Variants in PALLD observed in about 807,000 individuals in gnomAD.
The protein encoded by PALLD is palladin, cytoskeletal associated protein, also known as palladin.
A neutral mutation model predicts 123.5 loss-of-function variants in PALLD; 61 were observed. The ratio of observed to expected loss-of-function variants is 0.49; its 90% CI spans 0.40 to 0.61. The LOEUF (loss-of-function observed/expected upper bound fraction) is 0.61, where lower values mean the gene tolerates loss of function less well. PALLD is among the 20% of genes least tolerant of loss of function. The pLI is 0.00. For synonymous variants in PALLD, 465 were observed against 496.4 expected (o/e 0.94, Z 0.84); for missense variants, 1,273 against 1,377.0 (o/e 0.92, Z 1.20).
chr4:168,510,855 T>C (rs1762466880), intron 1 of PALLD, among the ~76,000 whole-genome samples: 1 of 152,174 alleles, frequency 6.6e-6, no homozygotes, highest in Non-Finnish European at 1.5e-5. Flanking sequence ...CCAGAAAAGT[T>C]TGCCCATCCC....
intron 2 of PALLD, among the ~76,000 whole-genome samples, chr4:168,577,337 G>A (rs1176467599): frequency 2.0e-5 from 3 of 152,098 alleles, no homozygotes; most frequent in Non-Finnish European, 4.4e-5. Flanking sequence ...ACTAAGTTAG[G>A]TTATGGTTTG....
intron 2 of PALLD, among the ~76,000 whole-genome samples, chr4:168,553,755 A>G (rs1766986878): frequency 6.6e-6 from 1 of 152,014 alleles, no homozygotes. Flanking sequence ...TGTCTAACTT[A>G]GATTCTGATA....
intron 10 of PALLD, among the ~76,000 whole-genome samples, chr4:168,721,450 G>A (rs1786007201): frequency 6.6e-6 from 1 of 150,832 alleles, no homozygotes; most frequent in Non-Finnish European, 1.5e-5. Flanking sequence ...TCAATTTTAT[G>A]AAAAAATAAA....
intron 15 of PALLD, among the ~76,000 whole-genome samples, chr4:168,906,093 C>A (rs1368257111): frequency 1.3e-5 from 2 of 152,116 alleles, no homozygotes; most frequent in Non-Finnish European, 2.9e-5. Context: ...TGGTGGAGAA[C>A]TGACAAAATC....
At chr4:168,731,613 GC>G (rs1180179214) in intron 10 of PALLD, among the ~76,000 whole-genome samples, 2 of 152,130 alleles carry the variant, frequency 1.3e-5, no homozygotes, top group African/African-American at 4.8e-5. Flanking sequence ...GTTATTTGAC[GC>G]ACATATAGAA....
At chr4:168,714,835 G>A (rs1164964780) in intron 10 of PALLD, among the ~76,000 whole-genome samples, 1 of 151,654 alleles carries the variant, frequency 6.6e-6, no homozygotes, top group Non-Finnish European at 1.5e-5. Flanking sequence ...CAGATGTCTG[G>A]GGGAAAGAAG....
intron 10 of PALLD, among the ~76,000 whole-genome samples, chr4:168,881,666 GT>G (rs1225473598): frequency 6.6e-6 from 1 of 152,006 alleles, no homozygotes; most frequent in African/African-American, 2.4e-5. Flanking sequence ...CAAATATTAA[GT>G]TGACAAACTC....
intron 2 of PALLD, among the ~76,000 whole-genome samples, chr4:168,637,418 T>C (rs1374259547): frequency 6.6e-6 from 1 of 152,020 alleles, no homozygotes; most frequent in Non-Finnish European, 1.5e-5. Context: ...ATTGCTCAGC[T>C]AACCCGGTTA....
At chr4:168,808,900 G>C (rs151003111) in intron 10 of PALLD, among the ~76,000 whole-genome samples, 1,982 of 152,304 alleles carry the variant, frequency 0.013, 47 homozygotes, top group African/African-American at 0.043. Context: ...TTCAAGATGA[G>C]ATTTGGGTGG....
chr4:168,704,268 A>T (rs1434782312), intron 8 of PALLD, among the ~76,000 whole-genome samples: 2 of 152,172 alleles, frequency 1.3e-5, no homozygotes, highest in Non-Finnish European at 2.9e-5. Flanking sequence ...TAGACCTAAA[A>T]CCATAAAAAC....
intron 2 of PALLD, among the ~76,000 whole-genome samples, chr4:168,573,938 GC>G (rs1430472943): frequency 2.7e-5 from 4 of 149,538 alleles, no homozygotes; most frequent in Admixed American, 6.7e-5. Flanking sequence ...CTGGGAAGCA[GC>G]TTTTTTTTTT....
chr4:168,909,846 A>C (rs1342743295), intron 15 of PALLD, among the ~76,000 whole-genome samples: 1 of 152,188 alleles, frequency 6.6e-6, no homozygotes, highest in Non-Finnish European at 1.5e-5. Flanking sequence ...TTTTCAAAAA[A>C]GCTTCACTGA....
At chr4:168,835,801 C>T (rs545462529) in intron 10 of PALLD, among the ~76,000 whole-genome samples, 2 of 152,008 alleles carry the variant, frequency 1.3e-5, no homozygotes, top group African/African-American at 2.4e-5. Context: ...CAGGTTCAAG[C>T]GATTCTCGTG....
intron 16 of PALLD, among the ~76,000 whole-genome samples, chr4:168,915,665 C>T (rs540934848): frequency 1.3e-5 from 2 of 152,120 alleles, no homozygotes; most frequent in Admixed American, 6.5e-5. Flanking sequence ...TCCATTTCCC[C>T]TTTTATGATT....
chr4:168,561,665 A>T (rs955893858), intron 2 of PALLD, among the ~76,000 whole-genome samples: 1 of 152,142 alleles, frequency 6.6e-6, no homozygotes, highest in African/African-American at 2.4e-5. Flanking sequence ...TATTTTTCTT[A>T]ATCTTCATTC....
chr4:168,549,151 C>A (rs1487966391), intron 2 of PALLD, among the ~76,000 whole-genome samples: 5 of 152,096 alleles, frequency 3.3e-5, no homozygotes, highest in Admixed American at 3.3e-4. Context: ...CACTTACTCT[C>A]TATAAATATT....
intron 8 of PALLD, among the ~76,000 whole-genome samples, chr4:168,693,315 C>T (rs952961172): frequency 2.0e-5 from 3 of 152,196 alleles, no homozygotes; most frequent in Admixed American, 2.0e-4. Context: ...ATATACACTC[C>T]TTCTGTTTCA....
In PALLD at chr4:168,562,466, A is replaced by T. The variant is rs7670978; in HGVS notation, c.908+50054A>T. 9.3e-3 allele frequency among the ~76,000 whole-genome samples: 1,418 copies of T among 152,332 alleles called. 30 individuals carry two copies. Among genetic ancestry groups the T allele is most frequent in the African/African-American group, 0.032 (1,326 of 41,564 alleles). ...AGTTTATGTGCTGGCAAGAGGAAAA[A>T]GATAGCAAATACATAAACAAATAAG... On this transcript the variant is annotated intron_variant, in intron 2 of 21. Coordinates refer to ENST00000505667, the MANE Select transcript of PALLD (RefSeq NM_001166108.2).
intron 10 of PALLD, among the ~76,000 whole-genome samples, chr4:168,821,028 A>G (rs574118259): frequency 2.0e-5 from 3 of 152,334 alleles, no homozygotes; most frequent in African/African-American, 7.2e-5. Context: ...GTATGGAAAA[A>G]GATTTAGCAA....
Sources: gnomAD v4.1 joint callset for allele counts (sites outside exome capture counted in the v4.1 genomes callset) on GRCh38, gnomAD v4.1.1 for gene constraint, MANE v1.5 for transcripts, NCBI Gene and HGNC (gene_info 2026-07-23, HGNC 2026-07-21) for gene names.